Variants in PLCL2 observed in about 807,000 individuals in gnomAD.
PLCL2 encodes inactive phospholipase C-like protein 2.
Under a neutral mutation model 79.6 loss-of-function variants are expected in PLCL2, and 4 were observed. The ratio of observed to expected loss-of-function variants is 0.05; its 90% CI spans 0.02 to 0.11. The LOEUF (loss-of-function observed/expected upper bound fraction) is 0.11. Ranked by LOEUF, PLCL2 falls within the 10% of genes least tolerant of loss-of-function variation. PLCL2 has a pLI of 1.00. For synonymous variants in PLCL2, 484 were observed against 457.7 expected (o/e 1.06, Z -0.73); for missense variants, 895 against 1,291.0 (o/e 0.69, Z 4.70).
intron 3 of PLCL2, among the ~76,000 whole-genome samples, chr3:17,024,213 A>G (rs977149824): frequency 2.6e-5 from 4 of 152,106 alleles, no homozygotes; most frequent in Admixed American, 6.6e-5. Context: ...GGTGAATAAC[A>G]TTTTTTCGTA....
At chr3:17,021,200 G>T (rs544319105) in intron 3 of PLCL2, among the ~76,000 whole-genome samples, 1 of 152,256 alleles carries the variant, frequency 6.6e-6, no homozygotes, top group East Asian at 1.9e-4. Context: ...TTTTGGGAAA[G>T]GTAGATGCAT....
Position 17,011,642 on chromosome 3 carries a change from T to C in PLCL2, c.2296T>C (p.Phe766Leu), listed in dbSNP as rs138785787. ...LHIKIISGQN[F>L]PKPKGSGAKG... ...CATTAAAATCATCAGTGGGCAGAACTTTCCCAAGCCCAAAGGATCAGGTGC... is the reference window on the plus strand; with the variant it reads ...CATTAAAATCATCAGTGGGCAGAACCTTCCCAAGCCCAAAGGATCAGGTGC... Residue 766 changes from phenylalanine (F) to leucine (L), a missense_variant, in exon 2 of 6, where the codon TTT (phenylalanine) becomes CTT (leucine). By Grantham distance (22) the Phe-to-Leu change is conservative. Transcript: ENST00000615277. This position sits in a 1 kb window ranked among gnomAD's most constrained non-coding sequence, Gnocchi z 7.9. 26 of 1,614,138 alleles carry C rather than the reference T, an allele frequency of 1.6e-5. No homozygotes were observed. In the African/African-American group the frequency reaches 2.8e-4, roughly 17 times the overall value.
intron 5 of PLCL2, among the ~76,000 whole-genome samples, chr3:17,086,011 TAATCTC>T (rs1468302992): frequency 2.6e-5 from 4 of 152,188 alleles, no homozygotes; most frequent in Admixed American, 6.5e-5. Context: ...AGATTCAACA[TAATCTC>T]AAACTTCCAG....
chr3:17,028,481 T>TC (rs2064542778), intron 3 of PLCL2, among the ~76,000 whole-genome samples: 2 of 144,556 alleles, frequency 1.4e-5, no homozygotes, highest in Admixed American at 1.4e-4. Context: ...CTTTTTTTTT[T>TC]CTTTTTTTTT....
At chr3:16,954,383 T>C (rs1315383246) in intron 1 of PLCL2, among the ~76,000 whole-genome samples, 1 of 152,224 alleles carries the variant, frequency 6.6e-6, no homozygotes, top group Non-Finnish European at 1.5e-5. Context: ...TGCATAGTAT[T>C]CCATGGTGTA....
At chr3:16,899,111 A>G (rs1696559472) in intron 1 of PLCL2, among the ~76,000 whole-genome samples, 1 of 152,252 alleles carries the variant, frequency 6.6e-6, no homozygotes. Flanking sequence ...TGTATCTGTC[A>G]CTATCGAGGG....
chr3:17,022,762 C>T (rs1272207311), intron 3 of PLCL2, among the ~76,000 whole-genome samples: 2 of 152,148 alleles, frequency 1.3e-5, no homozygotes, highest in East Asian at 3.9e-4. Flanking sequence ...CTTTAATCAC[C>T]TTATGCTGTA....
chr3:17,024,318 G>A (rs1435624239), intron 3 of PLCL2, among the ~76,000 whole-genome samples: 1 of 152,116 alleles, frequency 6.6e-6, no homozygotes, highest in African/African-American at 2.4e-5. Flanking sequence ...AAAAAGGAGG[G>A]TGAAGTGTGA....
At chr3:16,956,240 G>A (rs1213798316) in intron 1 of PLCL2, among the ~76,000 whole-genome samples, 1 of 152,132 alleles carries the variant, frequency 6.6e-6, no homozygotes, top group Non-Finnish European at 1.5e-5. Flanking sequence ...TAGCATGAAG[G>A]GCTGTTGAAT....
At chr3:16,973,780 C>T (rs888877470) in intron 1 of PLCL2, among the ~76,000 whole-genome samples, 2 of 152,186 alleles carry the variant, frequency 1.3e-5, no homozygotes, top group Admixed American at 6.5e-5. Context: ...TAGGTCTATA[C>T]TGGTAAATAG....
chr3:16,923,953 T>TC (rs34556418), intron 1 of PLCL2, among the ~76,000 whole-genome samples: 48,083 of 152,024 alleles, frequency 0.32, 7,995 homozygotes, highest in East Asian at 0.53. Context: ...TTGGCTCCCT[T>TC]TAAAAAGTCA....
intron 4 of PLCL2, among the ~76,000 whole-genome samples, chr3:17,060,677 T>A (rs1559535725): frequency 6.6e-6 from 1 of 152,192 alleles, no homozygotes; most frequent in Non-Finnish European, 1.5e-5. Context: ...GTTCTCTAAG[T>A]AGTGTGATAT....
chr3:17,077,433 A>C (rs564760830), intron 5 of PLCL2, among the ~76,000 whole-genome samples: 1 of 152,356 alleles, frequency 6.6e-6, no homozygotes, highest in South Asian at 2.1e-4. Flanking sequence ...GTTTTAGTTC[A>C]TAGAATGATT....
At chr3:16,916,663 A>G (rs1697003121) in intron 1 of PLCL2, among the ~76,000 whole-genome samples, 1 of 152,228 alleles carries the variant, frequency 6.6e-6, no homozygotes, top group African/African-American at 2.4e-5. Flanking sequence ...TAATGCTATG[A>G]TCTTTTTAAT....
chr3:16,951,867 T>G (rs2063656252), intron 1 of PLCL2, among the ~76,000 whole-genome samples: 1 of 152,126 alleles, frequency 6.6e-6, no homozygotes, highest in Non-Finnish European at 1.5e-5. Context: ...TTTGGGAATG[T>G]TTTTGAGTGC....
In PLCL2 at chr3:17,042,864, C is replaced by A; in HGVS notation, c.3019-10C>A. On this transcript the variant is annotated splice_polypyrimidine_tract_variant and intron_variant, in intron 3 of 5. Coordinates refer to ENST00000615277, the MANE Select transcript of PLCL2 (RefSeq NM_001144382.2). ...AGGTGTAATCTCATGTCTGGATGTT[C>A]CCTTTGCAGATGATTCAGTCCCTCA... is the stretch of plus-strand genomic sequence containing the variant. The A allele has an allele frequency of 6.3e-7, 1 of 1,596,744 alleles. No individual in the cohort carries two copies. The highest frequency in any genetic ancestry group is 8.6e-7 in the Non-Finnish European group (1 of 1,164,538).
chr3:16,990,745 G>A (rs1386203613), intron 1 of PLCL2, among the ~76,000 whole-genome samples: 2 of 152,192 alleles, frequency 1.3e-5, no homozygotes, highest in Non-Finnish European at 2.9e-5. Context: ...TAGCAGCTGA[G>A]GTTTGGAGAG....
At chr3:16,931,902 A>G (rs1027633082) in intron 1 of PLCL2, among the ~76,000 whole-genome samples, 1 of 152,172 alleles carries the variant, frequency 6.6e-6, no homozygotes, top group African/African-American at 2.4e-5. Context: ...ATGATTTGAG[A>G]TAATTAGGTC....
intron 4 of PLCL2, among the ~76,000 whole-genome samples, chr3:17,050,931 G>T (rs1258110419): frequency 6.6e-6 from 1 of 152,178 alleles, no homozygotes; most frequent in Non-Finnish European, 1.5e-5. Flanking sequence ...TATTGTGTGT[G>T]ATACTTATAC....
Sources: allele counts gnomAD v4.1 joint callset (sites outside exome capture counted in the v4.1 genomes callset), GRCh38; gene constraint gnomAD v4.1.1; non-coding constraint Gnocchi (gnomAD v3.1); transcripts MANE v1.5; gene names NCBI Gene and HGNC (gene_info 2026-07-23, HGNC 2026-07-21).